Variants in TPRA1 observed in about 807,000 individuals in gnomAD.
The protein encoded by TPRA1 is transmembrane protein adipocyte-associated 1.
TPRA1 carries 28 observed loss-of-function variants against 40.1 expected under a neutral mutation model. The observed-to-expected ratio is 0.70, with a 90% CI of 0.52 to 0.96. The LOEUF (loss-of-function observed/expected upper bound fraction) is 0.96. Ranked by LOEUF, TPRA1 falls within the 40% of genes least tolerant of loss-of-function variation. The probability of loss-of-function intolerance (pLI) is 0.00; values close to 1 mark genes in which losing one functional copy is unlikely to be tolerated. For missense variants in TPRA1, 441 were observed against 482.6 expected (o/e 0.91, Z 0.81); for synonymous variants, 219 against 209.7 (o/e 1.04, Z -0.38).
chr3:127,576,620 G>C lies in TPRA1; in HGVS notation c.495C>G (p.Thr165=). The C allele has an allele frequency of 6.2e-7, 1 of 1,604,082 alleles. No homozygotes were observed. The highest frequency in any genetic ancestry group is 8.5e-7 in the Non-Finnish European group (1 of 1,175,328). ...CTGCCCACACTCACCCTCTTACCTG[G>C]GTGACAGAGTAGGCCAGGGACAGCA... ...TTVLSLAYSV[T]QGTLEILYPD... The change falls in exon 6 of 11, where the codon ACC becomes ACG. Residue 165 remains threonine (T), a synonymous_variant. Transcript: ENST00000355552. This position sits in a 1 kb window ranked among gnomAD's most constrained non-coding sequence, Gnocchi z 4.6.
rs2073393393 is a variant in TPRA1 at position 127,572,133 on chromosome 3, G to A, written c.*1388C>T. ...ACTGGCCGTACTGTTGGCCCTGTCC[G>A]CTATCAACCCTCCAGGCCCTCCCAG... is the stretch of plus-strand genomic sequence containing the variant. On this transcript the variant is annotated 3_prime_UTR_variant, in exon 11 of 11. Transcript: ENST00000355552. Among the ~76,000 whole-genome samples the A allele has an allele frequency of 1.3e-5, 2 of 152,188 alleles. No individual in the cohort carries two copies. The highest frequency in any genetic ancestry group is 6.5e-5 in the Admixed American group (1 of 15,282).
chr3:127,595,186 G>A (rs2074229258), upstream of TPRA1, among the ~76,000 whole-genome samples: 1 of 152,188 alleles, frequency 6.6e-6, no homozygotes, highest in Non-Finnish European at 1.5e-5. Flanking sequence ...AGAAGGCAAG[G>A]GCCATCAGGG....
In TPRA1 at chr3:127,576,918, C is replaced by T. The variant is rs1273003799; in HGVS notation, c.346-25G>A. On this transcript the variant is annotated intron_variant, in intron 4 of 10. Transcript: ENST00000355552. This position sits in a 1 kb window ranked among gnomAD's most constrained non-coding sequence, Gnocchi z 4.6. ...TCTGCACGCAGAGTGGGCACAGCGT[C>T]AGCCTGGACCAGCATCCCCAGCCCA... The T allele has an allele frequency of 6.2e-7, 1 of 1,613,658 alleles. No individual in the cohort carries two copies. Among genetic ancestry groups the T allele is most frequent in the East Asian group, 2.2e-5 (1 of 44,884 alleles).
rs371286621 is a variant in TPRA1, at chr3:127,579,788, C to T, written c.210G>A (p.Ala70=). The T allele has an allele frequency of 5.9e-5, 95 of 1,613,948 alleles. 1 individual carries two copies. Among genetic ancestry groups the T allele is most frequent in the African/African-American group, 2.4e-4 (18 of 74,898 alleles). The change falls in exon 3 of 11, where the codon GCG becomes GCA. Residue 70 remains alanine, a synonymous_variant. Coordinates refer to ENST00000355552, the MANE Select transcript of TPRA1 (RefSeq NM_001136053.4). Reference sequence around the variant, plus strand: ...TGGGGCTGGAGGTGATGCGGATCTTCGCCCGAGCAGATGGAAGCTTCCAGA... The same window carrying T: ...TGGGGCTGGAGGTGATGCGGATCTTTGCCCGAGCAGATGGAAGCTTCCAGA... The part of the protein sequence containing the change: ...FLLWKLPSAR[A]KIRITSSPIF...
chr3:127,580,337 C>G (rs1033161293), intron 1 of TPRA1, 174 bp from the exon 2 acceptor site: 1 of 683,982 alleles, frequency 1.5e-6, no homozygotes, highest in Non-Finnish European at 2.4e-6. Flanking sequence ...CGACCCAATC[C>G]CCCAGGCAGG....
chr3:127,574,847 T>G, intron 10 of TPRA1: 3 of 384,556 alleles, frequency 7.8e-6, no homozygotes, highest in Non-Finnish European at 1.5e-5. Context: ...CACGTGTTCA[T>G]GTGTGTATGC....
chr3:127,578,236 G>A (rs766254172), intron 3 of TPRA1, among the ~76,000 whole-genome samples: 6 of 152,198 alleles, frequency 3.9e-5, no homozygotes, highest in Admixed American at 6.5e-5. Flanking sequence ...ACTACCACAC[G>A]CCTACTGTAT....
At chr3:127,582,198 G>C (rs1157835957) in intron 1 of TPRA1, among the ~76,000 whole-genome samples, 1 of 152,166 alleles carries the variant, frequency 6.6e-6, no homozygotes, top group Non-Finnish European at 1.5e-5. Context: ...GACTCTGAAG[G>C]GGGCGGGCCA....
At chr3:127,591,416 C>T (rs1004779750), upstream of TPRA1, among the ~76,000 whole-genome samples, 3 of 152,240 alleles carry the variant, frequency 2.0e-5, no homozygotes, top group Non-Finnish European at 4.4e-5. Flanking sequence ...GCCAGGACGC[C>T]TCTCCCCAAC....
In TPRA1 at chr3:127,576,585, C is replaced by A. The variant is rs1256330454; in HGVS notation, c.498+32G>T. 2 of 1,551,302 alleles carry A rather than the reference C, an allele frequency of 1.3e-6. No individual in the cohort carries two copies. The highest frequency in any genetic ancestry group is 3.7e-5 in the Admixed American group (2 of 53,344). On this transcript the variant is annotated intron_variant, in intron 6 of 10. Transcript: ENST00000355552. This position sits in a 1 kb window ranked among gnomAD's most constrained non-coding sequence, Gnocchi z 4.6. ...CAGTGGGTGCCTGGTGCCCTGACTC[C>A]TAGCGTCCCCTGCCCACACTCACCC...
chr3:127,580,331 C>T, intron 1 of TPRA1, 168 bp from the exon 2 acceptor site: 1 of 716,412 alleles, frequency 1.4e-6, no homozygotes, highest in Non-Finnish European at 2.2e-6. Context: ...AGGTCACGAC[C>T]CAATCCCCCA....
chr3:127,592,389 T>TTG (rs2074192615), upstream of TPRA1, among the ~76,000 whole-genome samples: 1 of 142,886 alleles, frequency 7.0e-6, no homozygotes, highest in African/African-American at 2.6e-5. Context: ...TTTTTTTTTT[T>TTG]TTTTTTTGAG....
intron 1 of TPRA1, among the ~76,000 whole-genome samples, chr3:127,584,390 A>AGC (rs1209132332): frequency 7.0e-6 from 1 of 143,428 alleles, no homozygotes; most frequent in Non-Finnish European, 1.5e-5. Flanking sequence ...AGCAGGCAGC[A>AGC]GCAAGCTATG....
chr3:127,576,833 C>T lies in TPRA1; in HGVS notation c.406G>A (p.Gly136Ser). 6.2e-7 allele frequency: 1 copy of T among 1,613,806 alleles called. No individual in the cohort carries two copies. The highest frequency in any genetic ancestry group is 8.5e-7 in the Non-Finnish European group (1 of 1,180,008). ...LAIELSVIIL[G>S]LAFGHLESKS... The stretch of plus-strand genomic sequence containing the variant: ...GCGGTACACACACCAAAGGCCAGGC[C>T]CAGGATGATCACACTCAGCTCGATG... Residue 136 changes from glycine to serine, a missense_variant, in exon 5 of 11, where the codon GGC (glycine) becomes AGC (serine). Coordinates refer to ENST00000355552, the MANE Select transcript of TPRA1 (RefSeq NM_001136053.4). This position sits in a 1 kb window ranked among gnomAD's most constrained non-coding sequence, Gnocchi z 4.6.
At chr3:127,588,451 C>T (rs887089355) in intron 1 of TPRA1, among the ~76,000 whole-genome samples, 2 of 146,080 alleles carry the variant, frequency 1.4e-5, no homozygotes, top group African/African-American at 5.1e-5. Context: ...GACAGAGTCT[C>T]GCTTTGTCAC....
chr3:127,591,289 G>C (rs979438464), upstream of TPRA1, among the ~76,000 whole-genome samples: 1 of 152,200 alleles, frequency 6.6e-6, no homozygotes, highest in Non-Finnish European at 1.5e-5. Flanking sequence ...GCCATGCCTC[G>C]GGCACTCCTC....
chr3:127,592,640 C>T (rs957594512), upstream of TPRA1, among the ~76,000 whole-genome samples: 2 of 152,090 alleles, frequency 1.3e-5, no homozygotes, highest in Non-Finnish European at 2.9e-5. Flanking sequence ...CCGCCTCGGC[C>T]TCCCAAAGTG....
intron 1 of TPRA1, among the ~76,000 whole-genome samples, 165 bp downstream of exon 1, chr3:127,590,245 G>A (rs1472089280): frequency 6.6e-6 from 1 of 152,182 alleles, no homozygotes; most frequent in African/African-American, 2.4e-5. Flanking sequence ...CCCACATCCA[G>A]GGCCTTCCCT....
chr3:127,585,425 G>A (rs1297865375), intron 1 of TPRA1, among the ~76,000 whole-genome samples: 1 of 152,218 alleles, frequency 6.6e-6, no homozygotes, highest in Admixed American at 6.5e-5. Context: ...AGGAGTGAGA[G>A]GTCTGGTTTC....
Sources: gnomAD v4.1 joint callset for allele counts (sites outside exome capture counted in the v4.1 genomes callset) on GRCh38, gnomAD v4.1.1 for gene constraint, Gnocchi (gnomAD v3.1) non-coding constraint, MANE v1.5 for transcripts, NCBI Gene and HGNC (gene_info 2026-07-23, HGNC 2026-07-21) for gene names.